The following PACRG variants were observed in gnomAD, a reference collection of about 807,000 sequenced individuals.
The protein encoded by PACRG is parkin coregulated gene protein.
A neutral mutation model predicts 29.7 loss-of-function variants in PACRG; 29 were observed. That is an observed-to-expected ratio of 0.98 (90% CI 0.73 to 1.33). The LOEUF is 1.33. PACRG is among the 40% of genes most tolerant of loss of function. The pLI, the probability that PACRG is intolerant of heterozygous loss-of-function variation, is 0.00. For missense variants in PACRG, 279 were observed against 316.2 expected (o/e 0.88, Z 0.89); for synonymous variants, 116 against 118.7 (o/e 0.98, Z 0.15).
At chr6:163,191,152 G>A (rs1263436048) in intron 4 of PACRG, among the ~76,000 whole-genome samples, 1 of 152,124 alleles carries the variant, frequency 6.6e-6, no homozygotes, top group Non-Finnish European at 1.5e-5. Flanking sequence ...TAAAATATGA[G>A]CACCTTTTCC....
intron 2 of PACRG, among the ~76,000 whole-genome samples, chr6:162,946,252 C>T (rs1340489691): frequency 6.7e-6 from 1 of 149,948 alleles, no homozygotes; most frequent in Non-Finnish European, 1.5e-5. Context: ...CTAGAGTAAC[C>T]AAGGAAAAAA....
chr6:162,800,469 T>C (rs2128339673), intron 1 of PACRG, among the ~76,000 whole-genome samples: 1 of 152,350 alleles, frequency 6.6e-6, no homozygotes, highest in Middle Eastern at 3.4e-3. Flanking sequence ...AGTTTATCTA[T>C]AAATTTTGAA....
At chr6:163,178,920 A>G (rs1485359686) in intron 4 of PACRG, among the ~76,000 whole-genome samples, 1 of 152,256 alleles carries the variant, frequency 6.6e-6, no homozygotes, top group African/African-American at 2.4e-5. Context: ...GTGAATTTTG[A>G]TTAAATTACA....
intron 2 of PACRG, among the ~76,000 whole-genome samples, chr6:162,939,933 A>C (rs888341095): frequency 5.9e-5 from 9 of 152,192 alleles, no homozygotes; most frequent in Non-Finnish European, 1.3e-4. Context: ...TATATTTTCT[A>C]AAATTATTGA....
intron 3 of PACRG, among the ~76,000 whole-genome samples, chr6:163,088,815 C>T (rs1156438957): frequency 1.3e-5 from 2 of 152,018 alleles, no homozygotes; most frequent in East Asian, 1.9e-4. Flanking sequence ...CCATGCCTCA[C>T]CCTCCTTCCC....
chr6:162,747,335 T>C (rs11969710), intron 1 of PACRG, among the ~76,000 whole-genome samples: 9,785 of 70,820 alleles, frequency 0.14, 1,472 homozygotes, highest in African/African-American at 0.34. Context: ...CATATATATA[T>C]ATATATATAT....
At chr6:163,130,275 G>A (rs1266189295) in intron 4 of PACRG, among the ~76,000 whole-genome samples, 1 of 152,152 alleles carries the variant, frequency 6.6e-6, no homozygotes, top group East Asian at 1.9e-4. Context: ...AAACTGCATT[G>A]GATGTCACAC....
At chr6:163,271,156 G>T (rs538050525) in intron 4 of PACRG, among the ~76,000 whole-genome samples, 2 of 152,190 alleles carry the variant, frequency 1.3e-5, no homozygotes, top group East Asian at 3.9e-4. Flanking sequence ...CTTCCAGCAC[G>T]GGAGAAAGAT....
Position 162,728,075 on chromosome 6 carries a change from G to C in PACRG, c.-161G>C. ...CCTAGGGTCCAGCTCCCTTCACCTA[G>C]GAGCTGCCAAACATCTGGATCAACC... is the stretch of plus-strand genomic sequence containing the variant. On this transcript the variant is annotated 5_prime_UTR_variant, in exon 1 of 5. Coordinates refer to ENST00000366888, the MANE Select transcript of PACRG (RefSeq NM_001080379.2). 2 of 863,354 alleles carry C rather than the reference G, an allele frequency of 2.3e-6. No homozygotes were observed. The highest frequency in any genetic ancestry group is 2.4e-5 in the East Asian group (1 of 41,100). 53.5% of individuals were successfully genotyped at this position (863,354 alleles called of 1,614,324 possible). A position where few individuals can be genotyped will look rare whatever the true frequency, so the allele number is the denominator to read the frequency against.
At chr6:162,905,046 G>A (rs1485505245) in intron 2 of PACRG, among the ~76,000 whole-genome samples, 1 of 152,090 alleles carries the variant, frequency 6.6e-6, no homozygotes, top group Non-Finnish European at 1.5e-5. Context: ...GATGAGAAGA[G>A]AGACAGGGGG....
intron 2 of PACRG, among the ~76,000 whole-genome samples, chr6:163,001,597 A>T (rs865919260): frequency 6.6e-6 from 1 of 152,192 alleles, no homozygotes; most frequent in Admixed American, 6.5e-5. Context: ...CACTGGAAAT[A>T]GCAGCTTTTC....
At chr6:163,219,349 A>G (rs1020597637) in intron 4 of PACRG, among the ~76,000 whole-genome samples, 1 of 151,928 alleles carries the variant, frequency 6.6e-6, no homozygotes, top group Admixed American at 6.6e-5. Flanking sequence ...TGCCCTCACA[A>G]CCCACCTTAA....
intron 4 of PACRG, among the ~76,000 whole-genome samples, chr6:163,263,386 C>T (rs548984373): frequency 3.9e-5 from 6 of 152,206 alleles, no homozygotes; most frequent in South Asian, 2.1e-4. Context: ...ACGTGGCGGC[C>T]GCAGCCTCTG....
At chr6:163,290,705 C>A (rs7743517) in intron 4 of PACRG, among the ~76,000 whole-genome samples, 129,261 of 152,262 alleles carry the variant, frequency 0.85, 55,208 homozygotes, top group East Asian at 0.94. Flanking sequence ...GCTCCTGGCA[C>A]TAGAAAATAT....
At chr6:162,727,595 G>C (rs1584139312), upstream of PACRG, 4 of 1,510,164 alleles carry the variant, frequency 2.6e-6, no homozygotes, top group East Asian at 9.7e-5. Flanking sequence ...CGGCCGAGGC[G>C]GGGCGTGGCG....
Position 162,785,199 on chromosome 6 carries a change from A to AGAGG in PACRG, c.157-28944_157-28941dup, listed in dbSNP as rs1200300765. Among the ~76,000 whole-genome samples the AGAGG allele has an allele frequency of 2.1e-5, 3 of 146,038 alleles. No individual in the cohort carries two copies. In the Admixed American group the frequency reaches 2.1e-4, roughly 10 times the overall value. ...GAGAGAGAGAGAGAGAGAGAGAGAG[A>AGAGG]GAGGGAGAGAAAGGCAGGTGCATGA... On this transcript the variant is annotated intron_variant, in intron 1 of 4. Transcript: ENST00000366888.
At chr6:163,076,541 G>A (rs774626446) in intron 3 of PACRG, among the ~76,000 whole-genome samples, 11 of 152,172 alleles carry the variant, frequency 7.2e-5, no homozygotes, top group Non-Finnish European at 1.5e-4. Context: ...CCTCTCCAAA[G>A]TCGGCCTACT....
At position 163,245,034 on chromosome 6, in the gene PACRG, T is replaced by C. The variant is rs549342509; in HGVS notation, c.614-69793T>C. On this transcript the variant is annotated intron_variant, in intron 4 of 4. Coordinates refer to ENST00000366888, the MANE Select transcript of PACRG (RefSeq NM_001080379.2). ...TCTTTCTACCATTTTCTACCATCAT[T>C]GTATGTAAAAGTCTAATCTTCATTT... is the stretch of plus-strand genomic sequence containing the variant. The C allele has an allele frequency of 4.3e-4, 196 of 455,650 alleles. 1 individual carries two copies. Among genetic ancestry groups the C allele is most frequent in the South Asian group, 3.0e-3 (195 of 64,444 alleles). The allele number at this position is 455,650 out of a possible 1,614,324, so 28.2% of individuals were successfully genotyped here.
At chr6:162,999,238 G>A (rs2128195505) in intron 2 of PACRG, among the ~76,000 whole-genome samples, 1 of 152,312 alleles carries the variant, frequency 6.6e-6, no homozygotes, top group Non-Finnish European at 1.5e-5. Context: ...TTATTGGTAG[G>A]AAGCAGTCAG....
Sources: allele counts gnomAD v4.1 joint callset (sites outside exome capture counted in the v4.1 genomes callset), GRCh38; gene constraint gnomAD v4.1.1; transcripts MANE v1.5; gene names NCBI Gene and HGNC (gene_info 2026-07-23, HGNC 2026-07-21).